Variants in ROBO2 observed in about 807,000 individuals in gnomAD.
ROBO2 encodes the protein roundabout homolog 2.
In ROBO2, 53 loss-of-function variants were observed where a neutral mutation model predicts 160.8. The observed-to-expected ratio is 0.33, with a 90% confidence interval of 0.26 to 0.41. The LOEUF (loss-of-function observed/expected upper bound fraction) is 0.41. ROBO2 is among the 10% of genes least tolerant of loss of function. The pLI, the probability that ROBO2 is intolerant of heterozygous loss-of-function variation, is 1.00. For synonymous variants in ROBO2, 664 were observed against 611.7 expected (o/e 1.09, Z -1.26); for missense variants, 1,577 against 1,722.4 (o/e 0.92, Z 1.49).
At chr3:76,810,951 G>GTTAC (rs781167884) in intron 2 of ROBO2, among the ~76,000 whole-genome samples, 3 of 152,116 alleles carry the variant, frequency 2.0e-5, no homozygotes, top group Non-Finnish European at 4.4e-5. Flanking sequence ...TAAGATGCAA[G>GTTAC]TTACTTGCCT....
chr3:76,978,176 G>C (rs1361267741), intron 2 of ROBO2, among the ~76,000 whole-genome samples: 2 of 152,116 alleles, frequency 1.3e-5, no homozygotes, highest in Non-Finnish European at 2.9e-5. Context: ...GCTAAATATA[G>C]CAGAGAACCT....
At chr3:76,283,356 T>A (rs1708345147) in intron 2 of ROBO2, among the ~76,000 whole-genome samples, 1 of 151,536 alleles carries the variant, frequency 6.6e-6, no homozygotes, top group Admixed American at 6.6e-5. Context: ...AACAGTCTCA[T>A]ATGCAATAGG....
intron 2 of ROBO2, among the ~76,000 whole-genome samples, chr3:76,854,468 C>A (rs999537450): frequency 6.6e-6 from 1 of 152,110 alleles, no homozygotes; most frequent in Admixed American, 6.5e-5. Context: ...CTTCCACCAA[C>A]AATGAATGAC....
intron 2 of ROBO2, among the ~76,000 whole-genome samples, chr3:77,152,664 G>A (rs2150537974): frequency 6.6e-6 from 1 of 152,336 alleles, no homozygotes; most frequent in Admixed American, 6.5e-5. Flanking sequence ...GTTACTGGAT[G>A]CACATTAAAG....
intron 2 of ROBO2, among the ~76,000 whole-genome samples, chr3:77,350,047 C>T (rs962728400): frequency 6.6e-6 from 1 of 151,224 alleles, no homozygotes. Context: ...ACCTGTACGT[C>T]CCTGCGATTG....
chr3:77,190,321 C>A (rs2081711765), intron 2 of ROBO2, among the ~76,000 whole-genome samples: 3 of 151,862 alleles, frequency 2.0e-5, no homozygotes, highest in Admixed American at 2.0e-4. Context: ...GTATTTGCAA[C>A]TTTTTCAGAG....
rs561403068 is a variant in ROBO2, at chr3:76,160,639, G to GT, written c.109+223041dup. On this transcript the variant is annotated intron_variant, in intron 2 of 26. Coordinates refer to the ROBO2 transcript ENST00000487694. ...ATAAACTTTTTGTAAAGGATCAGTG[G>GT]TTTTACTATTCTTCCACCTAAGCCT... 2.6e-5 allele frequency among the ~76,000 whole-genome samples: 4 copies of GT among 152,192 alleles called. No homozygotes were observed. In the South Asian group the frequency reaches 8.3e-4, roughly 32 times the overall value.
At chr3:76,550,942 T>A (rs1190072703) in intron 2 of ROBO2, among the ~76,000 whole-genome samples, 3 of 152,014 alleles carry the variant, frequency 2.0e-5, no homozygotes. Context: ...GTGCTGTGGA[T>A]GGCATGTTGA....
intron 2 of ROBO2, among the ~76,000 whole-genome samples, chr3:75,947,152 G>C (rs1000335688): frequency 6.6e-6 from 1 of 152,130 alleles, no homozygotes; most frequent in Non-Finnish European, 1.5e-5. Context: ...TTGATGACAT[G>C]AGGAAGTTTG....
chr3:76,471,714 G>T (rs1274582513), intron 2 of ROBO2, among the ~76,000 whole-genome samples: 1 of 152,046 alleles, frequency 6.6e-6, no homozygotes, highest in Non-Finnish European at 1.5e-5. Flanking sequence ...ATTAAGAACT[G>T]CCTGAGACTG....
At chr3:76,907,239 CT>C (rs2075667689) in intron 2 of ROBO2, among the ~76,000 whole-genome samples, 1 of 152,156 alleles carries the variant, frequency 6.6e-6, no homozygotes. Flanking sequence ...TTACTCCTTC[CT>C]TTTTGGGTTC....
intron 18 of ROBO2, among the ~76,000 whole-genome samples, 162 bp downstream of exon 19, chr3:77,595,346 G>A (rs763945700): frequency 1.8e-4 from 27 of 152,092 alleles, no homozygotes; most frequent in African/African-American, 6.5e-4. Context: ...TATCTGTTGT[G>A]CACTTTAGAG....
intron 2 of ROBO2, among the ~76,000 whole-genome samples, chr3:77,377,734 T>G (rs902528273): frequency 1.3e-5 from 2 of 152,238 alleles, no homozygotes; most frequent in Non-Finnish European, 2.9e-5. Flanking sequence ...ATATCTGATT[T>G]AGTTGAGTAT....
At chr3:76,218,641 C>G (rs1430406349) in intron 2 of ROBO2, among the ~76,000 whole-genome samples, 1 of 152,120 alleles carries the variant, frequency 6.6e-6, no homozygotes, top group Non-Finnish European at 1.5e-5. Context: ...GAACTACAAA[C>G]CACTGCTCAA....
rs572270903 is a variant in ROBO2, at chr3:76,249,001, C to T, written c.109+311399C>T. ...GATTTTCTAAGACACACATGTATTT[C>T]GTGTTTTTTGGGAGACTAAAGGGAT... On this transcript the variant is annotated intron_variant, in intron 2 of 26. Coordinates refer to the ROBO2 transcript ENST00000487694. 5.9e-5 allele frequency among the ~76,000 whole-genome samples: 9 copies of T among 152,154 alleles called. No homozygotes were observed. In the South Asian group the frequency reaches 8.3e-4, roughly 14 times the overall value.
At chr3:76,601,948 C>T (rs2087182307) in intron 2 of ROBO2, among the ~76,000 whole-genome samples, 1 of 152,174 alleles carries the variant, frequency 6.6e-6, no homozygotes, top group Non-Finnish European at 1.5e-5. Context: ...CTGTTGAATG[C>T]TTGGCTGCTT....
chr3:76,825,174 G>A (rs990008434), intron 2 of ROBO2, among the ~76,000 whole-genome samples: 1 of 152,108 alleles, frequency 6.6e-6, no homozygotes, highest in Admixed American at 6.5e-5. Context: ...CCAACAAAGT[G>A]TAACAATCTG....
chr3:76,053,055 G>A (rs1168236855), intron 2 of ROBO2, among the ~76,000 whole-genome samples: 1 of 151,944 alleles, frequency 6.6e-6, no homozygotes, highest in Non-Finnish European at 1.5e-5. Flanking sequence ...ATAATACAGA[G>A]ATATTTTATT....
chr3:77,495,225 G>A (rs1266432412), intron 5 of ROBO2, among the ~76,000 whole-genome samples: 1 of 152,136 alleles, frequency 6.6e-6, no homozygotes. Flanking sequence ...AAATAACTGG[G>A]AGTATATGCC....
Sources: allele counts gnomAD v4.1 joint callset (sites outside exome capture counted in the v4.1 genomes callset), GRCh38; gene constraint gnomAD v4.1.1; transcripts MANE v1.5; gene names NCBI Gene and HGNC (gene_info 2026-07-23, HGNC 2026-07-21).